TMEM232: variants seen among roughly 807,000 people sequenced by gnomAD.
TMEM232 encodes the protein transmembrane protein 232.
Under a neutral mutation model 78.8 loss-of-function variants are expected in TMEM232, and 80 were observed. The observed-to-expected ratio is 1.01, with a 90% confidence interval of 0.85 to 1.22. The LOEUF is 1.22. Ranked by LOEUF, TMEM232 falls within the 50% of genes most tolerant of loss-of-function variation. The pLI, the probability that TMEM232 is intolerant of heterozygous loss-of-function variation, is 0.00. For missense variants in TMEM232, 881 were observed against 742.2 expected, an observed-to-expected ratio of 1.19 and a Z score of -2.17; for synonymous variants, 297 against 254.3, an observed-to-expected ratio of 1.17 and a Z score of -1.60.
chr5:110,408,227 A>T (rs1470640653), intron 2 of TMEM232, among the ~76,000 whole-genome samples: 1 of 152,166 alleles, frequency 6.6e-6, no homozygotes, highest in Non-Finnish European at 1.5e-5. Context: ...TAGAGAAGCA[A>T]GAACAAACCA....
chr5:110,480,848 G>A (rs1249368925), intron 12 of TMEM232, among the ~76,000 whole-genome samples: 1 of 152,016 alleles, frequency 6.6e-6, no homozygotes, highest in African/African-American at 2.4e-5. Context: ...CCTATTCCAT[G>A]ATAGCATATA....
At chr5:110,518,060 T>G (rs1476950052) in intron 12 of TMEM232, among the ~76,000 whole-genome samples, 3 of 152,214 alleles carry the variant, frequency 2.0e-5, no homozygotes, top group Non-Finnish European at 4.4e-5. Flanking sequence ...TCTTTCAACT[T>G]TATTTCTGCT....
At chr5:110,573,847 C>T (rs1166547548) in intron 10 of TMEM232, among the ~76,000 whole-genome samples, 1 of 151,986 alleles carries the variant, frequency 6.6e-6, no homozygotes, top group East Asian at 1.9e-4. Context: ...GAATAGCTTG[C>T]TAGTTTAGAG....
intron 12 of TMEM232, among the ~76,000 whole-genome samples, chr5:110,446,133 G>A (rs1244248372): frequency 6.6e-6 from 1 of 152,022 alleles, no homozygotes; most frequent in Non-Finnish European, 1.5e-5. Context: ...TTCTTGTCCA[G>A]GACAAAGACA....
At chr5:110,679,632 T>A (rs1196154068) in intron 1 of TMEM232, among the ~76,000 whole-genome samples, 2 of 152,166 alleles carry the variant, frequency 1.3e-5, no homozygotes, top group Non-Finnish European at 2.9e-5. Context: ...TGCATATAGA[T>A]TTTTAACATA....
chr5:110,649,273 T>C (rs138247724), intron 2 of TMEM232, among the ~76,000 whole-genome samples: 1 of 152,090 alleles, frequency 6.6e-6, no homozygotes, highest in Admixed American at 6.6e-5. Flanking sequence ...TTGGTTTATA[T>C]GTTGATGAAG....
intron 12 of TMEM232, among the ~76,000 whole-genome samples, chr5:110,465,580 T>C (rs867491444): frequency 3.9e-5 from 6 of 152,226 alleles, no homozygotes; most frequent in African/African-American, 1.4e-4. Flanking sequence ...TTTTGGTATA[T>C]AAATAGACAT....
intron 12 of TMEM232, among the ~76,000 whole-genome samples, chr5:110,477,698 A>C (rs1763401336): frequency 6.6e-6 from 1 of 151,798 alleles, no homozygotes; most frequent in South Asian, 2.1e-4. Flanking sequence ...TAAACTGCTT[A>C]CAAAAAAAAA....
At chr5:110,410,544 T>C (rs769661101) in intron 2 of TMEM232, among the ~76,000 whole-genome samples, 25 of 152,224 alleles carry the variant, frequency 1.6e-4, no homozygotes, top group Non-Finnish European at 3.5e-4. Context: ...ATACAAGCTA[T>C]ATAGGCTTGC....
intron 12 of TMEM232, among the ~76,000 whole-genome samples, chr5:110,467,916 T>TA (rs1762257073): frequency 2.1e-5 from 3 of 143,452 alleles, no homozygotes; most frequent in Admixed American, 6.9e-5. Context: ...TCTATACTCT[T>TA]TGGCTTTGGG....
At chr5:110,726,525 CCT>C (rs1798173134) in intron 1 of TMEM232, 100 bp downstream of exon 1, 3 of 152,228 alleles carry the variant, frequency 2.0e-5, no homozygotes, top group Admixed American at 2.0e-4. Flanking sequence ...TCAGTATTCC[CCT>C]GTGAGGATCT....
At chr5:110,668,321 G>A (rs1243059583) in intron 1 of TMEM232, among the ~76,000 whole-genome samples, 2 of 152,094 alleles carry the variant, frequency 1.3e-5, no homozygotes, top group South Asian at 2.1e-4. Context: ...AAAAAGCTTT[G>A]GCCTTTAAGT....
rs370577780 is a variant in TMEM232, at chr5:110,568,540, C to G, written c.1362G>C (p.Gln454His). 1 of 1,549,578 alleles carries G rather than the reference C, an allele frequency of 6.5e-7. No individual in the cohort carries two copies. The highest frequency in any genetic ancestry group is 8.7e-7 in the Non-Finnish European group (1 of 1,145,822). Residue 454 changes from glutamine to histidine, a missense_variant, in exon 11 of 14, where the codon CAG (glutamine) becomes CAC (histidine). Gln to His is a conservative substitution (Grantham distance 24). Transcript: ENST00000455884. ...GCCATATCATGTTTCTAAGTCCATC[C>G]TGTTCTTCGTCTCCTTGAAGTTCCC... ...ISWELQGDEE[Q>H]DGLRNMIWQT...
At chr5:110,644,519 A>G (rs1787193469) in intron 2 of TMEM232, among the ~76,000 whole-genome samples, 1 of 151,950 alleles carries the variant, frequency 6.6e-6, no homozygotes, top group Non-Finnish European at 1.5e-5. Flanking sequence ...GCCAAGATTA[A>G]TGACTTATTG....
At chr5:110,643,053 TAAG>T (rs1248177730) in intron 2 of TMEM232, among the ~76,000 whole-genome samples, 4 of 151,948 alleles carry the variant, frequency 2.6e-5, no homozygotes, top group Admixed American at 6.6e-5. Context: ...AGAATATAAA[TAAG>T]GAGAAGAGTT....
intron 12 of TMEM232, among the ~76,000 whole-genome samples, chr5:110,525,776 A>G (rs1468786096): frequency 2.0e-5 from 3 of 151,578 alleles, no homozygotes; most frequent in African/African-American, 4.8e-5. Flanking sequence ...ACATAAATAT[A>G]TAAGAAAATA....
intron 10 of TMEM232, among the ~76,000 whole-genome samples, chr5:110,572,659 T>C (rs1164103192): frequency 6.6e-6 from 1 of 152,068 alleles, no homozygotes; most frequent in Non-Finnish European, 1.5e-5. Flanking sequence ...ATTCTGATAG[T>C]TATGTTTTAG....
chr5:110,640,442 G>A (rs1786516564), intron 4 of TMEM232, among the ~76,000 whole-genome samples: 1 of 151,972 alleles, frequency 6.6e-6, no homozygotes, highest in East Asian at 1.9e-4. Context: ...ATGTTTTAAA[G>A]GAGGCATAAA....
intron 12 of TMEM232, among the ~76,000 whole-genome samples, chr5:110,477,211 T>G (rs949150139): frequency 3.3e-5 from 5 of 151,982 alleles, no homozygotes; most frequent in African/African-American, 1.2e-4. Context: ...AATAAATGGT[T>G]TCCATTTCCC....
Sources: allele counts gnomAD v4.1 joint callset (sites outside exome capture counted in the v4.1 genomes callset), GRCh38; gene constraint gnomAD v4.1.1; transcripts MANE v1.5; gene names NCBI Gene and HGNC (gene_info 2026-07-23, HGNC 2026-07-21).